Variants in SH3PXD2A observed in about 807,000 individuals in gnomAD.
SH3PXD2A encodes SH3 and PX domains 2A.
SH3PXD2A carries 32 observed loss-of-function variants against 115.2 expected under a neutral mutation model. The observed-to-expected ratio is 0.28, with a 90% CI of 0.21 to 0.37. SH3PXD2A has a LOEUF of 0.37. Ranked by LOEUF, SH3PXD2A falls within the 10% of genes least tolerant of loss-of-function variation. SH3PXD2A has a pLI of 1.00. For missense variants in SH3PXD2A, 1,328 were observed against 1,498.7 expected (o/e 0.89, Z 1.88); for synonymous variants, 610 against 629.1 (o/e 0.97, Z 0.45).
intron 13 of SH3PXD2A, among the ~76,000 whole-genome samples, chr10:103,607,854 C>A (rs1315301148): frequency 1.3e-5 from 2 of 152,052 alleles, no homozygotes; most frequent in Non-Finnish European, 2.9e-5. Flanking sequence ...GACCTTACCC[C>A]CAACCCTGTG....
Position 103,602,501 on chromosome 10 carries a change from C to A in SH3PXD2A, c.2717G>T (p.Gly906Val). The A allele has an allele frequency of 6.2e-7, 1 of 1,614,122 alleles. No individual in the cohort carries two copies. Among genetic ancestry groups the A allele is most frequent in the African/African-American group, 1.3e-5 (1 of 75,034 alleles). ...GGCGGGCACTGTGTCCAGCTCTTTGCCAGAGGGGTCAGGTTGCTCGTTCTC... is the reference window on the plus strand; with the variant it reads ...GGCGGGCACTGTGTCCAGCTCTTTGACAGAGGGGTCAGGTTGCTCGTTCTC... ...LDENEQPDPS[G>V]KELDTVPAKG... is the part of the protein sequence containing the mutation. The change falls in exon 15 of 15, where the codon GGC (glycine) becomes GTC (valine). Residue 906 changes from glycine to valine, a missense_variant. By Grantham distance (109) the Gly-to-Val change is moderately radical. Transcript: ENST00000369774.
chr10:103,768,916 C>G (rs1046566957), intron 2 of SH3PXD2A, among the ~76,000 whole-genome samples: 1 of 151,912 alleles, frequency 6.6e-6, no homozygotes, highest in Non-Finnish European at 1.5e-5. Flanking sequence ...GATCACAGGG[C>G]GAGACAGGAA....
chr10:103,790,663 C>T (rs1450043940), intron 2 of SH3PXD2A, among the ~76,000 whole-genome samples: 1 of 152,134 alleles, frequency 6.6e-6, no homozygotes. Flanking sequence ...CCATTGCCAA[C>T]TGATAGGTAG....
chr10:103,811,944 G>A (rs61861110), intron 1 of SH3PXD2A, among the ~76,000 whole-genome samples: 48,680 of 152,110 alleles, frequency 0.32, 8,631 homozygotes, highest in East Asian at 0.58. Flanking sequence ...CACTGTAGGC[G>A]CTTAATAAAT....
chr10:103,734,258 C>A, intron 4 of SH3PXD2A, among the ~76,000 whole-genome samples: 1 of 152,160 alleles, frequency 6.6e-6, no homozygotes, highest in East Asian at 1.9e-4. Context: ...ACCACATCTT[C>A]TCAAGATTTT....
chr10:103,658,080 A>C (rs1391624112), intron 8 of SH3PXD2A, among the ~76,000 whole-genome samples: 2 of 152,266 alleles, frequency 1.3e-5, no homozygotes, highest in Admixed American at 1.3e-4. Context: ...GATATCCCAA[A>C]AGAATGATGT....
At chr10:103,683,684 CACA>C (rs1158129668) in intron 6 of SH3PXD2A, among the ~76,000 whole-genome samples, 1 of 152,098 alleles carries the variant, frequency 6.6e-6, no homozygotes, top group East Asian at 1.9e-4. Flanking sequence ...CAGAAAAACC[CACA>C]ACAACAACAA....
intron 6 of SH3PXD2A, among the ~76,000 whole-genome samples, chr10:103,672,135 A>C (rs2037469393): frequency 6.6e-6 from 1 of 152,170 alleles, no homozygotes; most frequent in Non-Finnish European, 1.5e-5. Flanking sequence ...AAATACAAAA[A>C]TTAGCCGGGC....
chr10:103,624,165 T>A (rs1045843939), intron 9 of SH3PXD2A, among the ~76,000 whole-genome samples: 1 of 152,248 alleles, frequency 6.6e-6, no homozygotes, highest in Non-Finnish European at 1.5e-5. Flanking sequence ...CCCCTAACTC[T>A]GCTGCCCCTT....
At chr10:103,644,366 G>C (rs2037003383) in intron 8 of SH3PXD2A, among the ~76,000 whole-genome samples, 1 of 152,068 alleles carries the variant, frequency 6.6e-6, no homozygotes, top group Non-Finnish European at 1.5e-5. Flanking sequence ...GATCGTTTGA[G>C]TCCAGGTGTT....
chr10:103,825,120 C>T lies in SH3PXD2A; in HGVS notation c.73-23758G>A, dbSNP rs79916473. Among the ~76,000 whole-genome samples, 103 of 152,032 alleles carry T rather than the reference C, an allele frequency of 6.8e-4. 1 individual carries two copies. The highest frequency in any genetic ancestry group is 2.5e-3 in the African/African-American group (102 of 41,296). On this transcript the variant is annotated intron_variant, in intron 1 of 14. Transcript: ENST00000369774. The stretch of plus-strand genomic sequence containing the variant: ...AAACTTTCTAAATCCTAAACCTCTA[C>T]AAATGCATTCCAAGAAATGTGAATT...
At chr10:103,807,576 G>T (rs1248684728) in intron 1 of SH3PXD2A, among the ~76,000 whole-genome samples, 1 of 152,238 alleles carries the variant, frequency 6.6e-6, no homozygotes, top group African/African-American at 2.4e-5. Flanking sequence ...GCCTGGTCAA[G>T]TGGACATGTA....
intron 5 of SH3PXD2A, among the ~76,000 whole-genome samples, chr10:103,702,947 G>C (rs2037937193): frequency 1.3e-5 from 2 of 151,980 alleles, no homozygotes; most frequent in South Asian, 4.2e-4. Context: ...TGTGTGTATG[G>C]GTGTGTGTGA....
intron 14 of SH3PXD2A, among the ~76,000 whole-genome samples, 169 bp downstream of exon 14, chr10:103,605,629 A>G (rs7088714): frequency 0.81 from 123,208 of 152,160 alleles, 50,213 homozygotes; most frequent in East Asian, 1. Context: ...AGTTTAGGCC[A>G]TGGCACTGGC....
chr10:103,754,873 T>C (rs752493810), intron 3 of SH3PXD2A: 2 of 152,202 alleles, frequency 1.3e-5, no homozygotes, highest in Non-Finnish European at 1.5e-5. Flanking sequence ...GTTTGTATTA[T>C]GTGAATGAAC....
intron 2 of SH3PXD2A, among the ~76,000 whole-genome samples, chr10:103,771,957 A>G (rs984620616): frequency 6.6e-6 from 1 of 152,092 alleles, no homozygotes; most frequent in Admixed American, 6.6e-5. Flanking sequence ...AGAGCCCCGG[A>G]GCTGCTCTCC....
chr10:103,839,587 TCCCCCAAGCCCACACAGCCCCA>T (rs1233862112), intron 1 of SH3PXD2A, among the ~76,000 whole-genome samples: 2 of 102,034 alleles, frequency 2.0e-5, no homozygotes, highest in African/African-American at 7.5e-5. Flanking sequence ...ACACAGCCCC[TCCCCCAAGCCCACACAGCCCCA>T]CCCCCAAGGC....
intron 1 of SH3PXD2A, among the ~76,000 whole-genome samples, chr10:103,842,559 C>T (rs796355077): frequency 4.3e-4 from 65 of 152,274 alleles, no homozygotes; most frequent in African/African-American, 1.4e-3. Context: ...CCCACCTGGC[C>T]TCTGGTAGCC....
chr10:103,846,326 ACT>A (rs60288332), intron 1 of SH3PXD2A, among the ~76,000 whole-genome samples: 46,090 of 152,104 alleles, frequency 0.3, 8,089 homozygotes, highest in East Asian at 0.64. Context: ...ACTGGGAATA[ACT>A]CTGTCTTTTC....
Sources: allele counts gnomAD v4.1 joint callset (sites outside exome capture counted in the v4.1 genomes callset), GRCh38; gene constraint gnomAD v4.1.1; transcripts MANE v1.5; gene names NCBI Gene and HGNC (gene_info 2026-07-23, HGNC 2026-07-21).